Variants in ZNF577 observed in about 807,000 individuals in gnomAD.
The protein encoded by ZNF577 is zinc finger protein 577.
ZNF577 carries 14 observed loss-of-function variants against 13.9 expected under a neutral mutation model. The observed-to-expected ratio is 1.00, with a 90% CI of 0.66 to 1.57. ZNF577 has a LOEUF of 1.57. Among genes scored for constraint, ZNF577 ranks in the 40% most tolerant of loss-of-function variants. ZNF577 has a pLI of 0.00. For synonymous variants in ZNF577, 203 were observed against 202.9 expected (o/e 1.00, Z 0.00); for missense variants, 555 against 579.2 (o/e 0.96, Z 0.43).
chr19:51,865,472 A>G (rs1445564425), downstream of ZNF577, among the ~76,000 whole-genome samples: 4 of 152,184 alleles, frequency 2.6e-5, no homozygotes, highest in Non-Finnish European at 4.4e-5. Flanking sequence ...GGTTGCTTTG[A>G]TACATTCTCA....
At chr19:51,886,162 T>G (rs1190204628) in intron 1 of ZNF577, 1 of 152,118 alleles carries the variant, frequency 6.6e-6, no homozygotes, top group Non-Finnish European at 1.5e-5. Context: ...TGCTACATTA[T>G]TCTATTTTTT....
At chr19:51,810,913 T>C (rs557171403) in intron 10 of ZNF577, among the ~76,000 whole-genome samples, 2 of 152,356 alleles carry the variant, frequency 1.3e-5, no homozygotes, top group Non-Finnish European at 2.9e-5. Flanking sequence ...TCTCCAGCTA[T>C]GGCAGCAGAG....
rs1226862081 is a variant in ZNF577, at chr19:51,878,425, C to T, written c.151G>A (p.Val51Ile). 1.9e-6 allele frequency: 3 copies of T among 1,614,020 alleles called. No homozygotes were observed. The highest frequency in any genetic ancestry group is 3.3e-5 in the Admixed American group (2 of 60,002). ...DQSQKVLYKE[V>I]MLENYINLVS... ...AGGTTGATGTAGTTCTCCAACATTACTTCCTTGTACAAGACCTTCTGAGAC... is the reference window on the plus strand; with the variant it reads ...AGGTTGATGTAGTTCTCCAACATTATTTCCTTGTACAAGACCTTCTGAGAC... The change falls in exon 4 of 6, where the codon GTA (valine) becomes ATA (isoleucine). Residue 51 changes from valine to isoleucine, a missense_variant. Coordinates refer to ENST00000638348, the MANE Select transcript of ZNF577 (RefSeq NM_001370449.1).
At chr19:51,886,426 G>A (rs941206812) in intron 1 of ZNF577, 1 of 152,092 alleles carries the variant, frequency 6.6e-6, no homozygotes, top group African/African-American at 2.4e-5. Context: ...GCTAATCCAA[G>A]ATATCTTTTC....
chr19:51,812,728 A>T (rs1351073596), intron 9 of ZNF577, among the ~76,000 whole-genome samples: 1 of 152,236 alleles, frequency 6.6e-6, no homozygotes, highest in African/African-American at 2.4e-5. Context: ...ACCTCCTCTA[A>T]GAAGATTCAC....
chr19:51,857,366 GA>G (rs1158352946), intron 5 of ZNF577, among the ~76,000 whole-genome samples: 31 of 20,572 alleles, frequency 1.5e-3, no homozygotes, highest in East Asian at 5.3e-3. Context: ...AAGAAGGAAG[GA>G]AAGAAAGAAA....
intron 9 of ZNF577, among the ~76,000 whole-genome samples, chr19:51,815,721 C>T (rs540921492): frequency 6.6e-6 from 1 of 151,712 alleles, no homozygotes; most frequent in East Asian, 1.9e-4. Flanking sequence ...ATTAGTCAGG[C>T]GTGGTATCTC....
intron 5 of ZNF577, among the ~76,000 whole-genome samples, chr19:51,854,516 T>TTTTTTTA (rs1273500747): frequency 1.3e-5 from 2 of 149,456 alleles, no homozygotes; most frequent in African/African-American, 5.0e-5. Context: ...TTTTTTTTTT[T>TTTTTTTA]AGAGATGGGG....
intron 9 of ZNF577, among the ~76,000 whole-genome samples, chr19:51,839,422 G>A (rs1162617295): frequency 6.6e-6 from 1 of 152,022 alleles, no homozygotes; most frequent in Non-Finnish European, 1.5e-5. Context: ...ATAATAAGAA[G>A]AAATTACACA....
chr19:51,836,901 G>A (rs747742389), intron 9 of ZNF577, among the ~76,000 whole-genome samples: 3 of 151,812 alleles, frequency 2.0e-5, no homozygotes, highest in East Asian at 1.9e-4. Flanking sequence ...AAAATTATAC[G>A]GGCATGGTGG....
chr19:51,833,272 C>T (rs1045550406), intron 9 of ZNF577, among the ~76,000 whole-genome samples: 1 of 151,974 alleles, frequency 6.6e-6, no homozygotes, highest in Non-Finnish European at 1.5e-5. Context: ...AAGGCAATCA[C>T]GGGAATCATC....
chr19:51,872,894 T>C lies in ZNF577; in HGVS notation c.1096A>G (p.Met366Val). ...CRECGKAFAH[M>V]SVLIKHEKTH... Reference sequence around the variant, plus strand: ...TTCTCATGTTTAATGAGGACTGACATGTGGGCAAAGGCTTTGCCACATTCT... The same window carrying C: ...TTCTCATGTTTAATGAGGACTGACACGTGGGCAAAGGCTTTGCCACATTCT... The change falls in exon 6 of 6, where the codon ATG (methionine) becomes GTG (valine). Residue 366 changes from methionine (M) to valine (V), a missense_variant. By Grantham distance (21) the Met-to-Val change is conservative (BLOSUM62 1). Transcript: ENST00000638348. The C allele has an allele frequency of 6.2e-7, 1 of 1,614,248 alleles. No homozygotes were observed. The highest frequency in any genetic ancestry group is 8.5e-7 in the Non-Finnish European group (1 of 1,180,042).
chr19:51,881,784 C>T (rs905498335), intron 1 of ZNF577, among the ~76,000 whole-genome samples: 1 of 152,214 alleles, frequency 6.6e-6, no homozygotes. Flanking sequence ...TCCTTCCACA[C>T]AGACAGGAAA....
In ZNF577 at chr19:51,868,499, G is replaced by A. The variant is rs911945238; in HGVS notation, c.*4033C>T. Among the ~76,000 whole-genome samples the A allele has an allele frequency of 6.6e-6, 1 of 152,122 alleles. No homozygotes were observed. Among genetic ancestry groups the A allele is most frequent in the Non-Finnish European group, 1.5e-5 (1 of 68,004 alleles). On this transcript the variant is annotated 3_prime_UTR_variant, in exon 6 of 6. Transcript: ENST00000638348. ...GACTGCTTCCCACCTCAGCCACACA[G>A]CAGGGCAGACTCACCAAGAACCGAC...
intron 5 of ZNF577, among the ~76,000 whole-genome samples, chr19:51,850,171 A>G (rs887872443): frequency 2.6e-5 from 4 of 152,150 alleles, no homozygotes; most frequent in Admixed American, 2.0e-4. Context: ...AACTCCTGGG[A>G]GATGACCTCT....
At chr19:51,848,533 G>A (rs1259172779) in intron 5 of ZNF577, among the ~76,000 whole-genome samples, 1 of 152,174 alleles carries the variant, frequency 6.6e-6, no homozygotes, top group Non-Finnish European at 1.5e-5. Flanking sequence ...AACTGGATCT[G>A]GACGAACAGA....
chr19:51,853,237 T>C (rs1326370501), intron 5 of ZNF577, among the ~76,000 whole-genome samples: 2 of 152,220 alleles, frequency 1.3e-5, no homozygotes, highest in Non-Finnish European at 2.9e-5. Context: ...TGATGGGCCC[T>C]GACCCCAAAG....
At chr19:51,808,850 C>T (rs543084941) in intron 10 of ZNF577, among the ~76,000 whole-genome samples, 17 of 152,238 alleles carry the variant, frequency 1.1e-4, no homozygotes, top group African/African-American at 4.1e-4. Context: ...CTTATGTGTC[C>T]GGCATCCCAT....
At chr19:51,863,576 T>C (rs954412567), downstream of ZNF577, among the ~76,000 whole-genome samples, 2 of 152,158 alleles carry the variant, frequency 1.3e-5, no homozygotes, top group Admixed American at 1.3e-4. Flanking sequence ...TGTGTGTGTA[T>C]AGATAAAATA....
Sources: allele counts gnomAD v4.1 joint callset (sites outside exome capture counted in the v4.1 genomes callset), GRCh38; gene constraint gnomAD v4.1.1; transcripts MANE v1.5; gene names NCBI Gene and HGNC (gene_info 2026-07-23, HGNC 2026-07-21).